Variants in RNF157 observed in about 807,000 individuals in gnomAD.
The protein encoded by RNF157 is E3 ubiquitin ligase RNF157.
A neutral mutation model predicts 88.3 loss-of-function variants in RNF157; 55 were observed. The observed-to-expected ratio is 0.62, with a 90% CI of 0.50 to 0.78. The LOEUF is 0.78. Ranked by LOEUF, RNF157 falls within the 30% of genes least tolerant of loss-of-function variation. The pLI is 0.00. For missense variants in RNF157, 788 were observed against 860.8 expected, an observed-to-expected ratio of 0.92 and a Z score of 1.06; for synonymous variants, 334 against 341.2, an observed-to-expected ratio of 0.98 and a Z score of 0.23.
intron 17 of RNF157, 128 bp from the exon 18 acceptor site, chr17:76,152,593 TTA>T (rs2068697267): frequency 1.5e-6 from 1 of 661,198 alleles, no homozygotes; most frequent in African/African-American, 1.8e-5. Context: ...AAGACAATAA[TTA>T]AGCGGATAAA....
intron 7 of RNF157, 96 bp from the exon 8 acceptor site, chr17:76,164,891 G>A (rs528594250): frequency 2.6e-6 from 2 of 766,324 alleles, no homozygotes; most frequent in South Asian, 3.5e-5. Context: ...CGCCCTCCCT[G>A]ATCTGCAGTT....
At chr17:76,173,024 C>T (rs113836286) in intron 3 of RNF157, among the ~76,000 whole-genome samples, 4 of 152,152 alleles carry the variant, frequency 2.6e-5, no homozygotes, top group African/African-American at 7.2e-5. Context: ...CGGTGGCTCA[C>T]GCCTGTAATC....
chr17:76,218,653 G>A (rs2145042786), intron 1 of RNF157, among the ~76,000 whole-genome samples: 1 of 151,274 alleles, frequency 6.6e-6, no homozygotes, highest in South Asian at 2.1e-4. Context: ...GGAAAAACAG[G>A]CCAGGCATGG....
chr17:76,181,352 C>T (rs1598409306), intron 2 of RNF157, among the ~76,000 whole-genome samples: 1 of 152,168 alleles, frequency 6.6e-6, no homozygotes, highest in South Asian at 2.1e-4. Context: ...CACCACACTC[C>T]TTTCTATCTT....
chr17:76,178,025 G>A (rs917879969), intron 2 of RNF157, among the ~76,000 whole-genome samples: 12 of 152,174 alleles, frequency 7.9e-5, no homozygotes, highest in South Asian at 2.1e-4. Flanking sequence ...GCTCCTCTTC[G>A]TCTTGCTCAC....
intron 2 of RNF157, among the ~76,000 whole-genome samples, chr17:76,206,217 C>A (rs1351262890): frequency 6.6e-6 from 1 of 151,818 alleles, no homozygotes; most frequent in Non-Finnish European, 1.5e-5. Context: ...GGCAACAGGG[C>A]AAGACCTTGT....
At chr17:76,153,306 C>T (rs934714829) in intron 17 of RNF157, 3 of 152,280 alleles carry the variant, frequency 2.0e-5, no homozygotes, top group Non-Finnish European at 1.5e-5. Context: ...CCCCCTTGGG[C>T]TGGGGTGCAA....
intron 1 of RNF157, among the ~76,000 whole-genome samples, chr17:76,217,879 C>A (rs1477143069): frequency 6.6e-6 from 1 of 152,140 alleles, no homozygotes; most frequent in Non-Finnish European, 1.5e-5. Context: ...TCACATCATA[C>A]ACATATCTCC....
At chr17:76,217,831 A>C (rs1284284080) in intron 1 of RNF157, among the ~76,000 whole-genome samples, 1 of 152,250 alleles carries the variant, frequency 6.6e-6, no homozygotes, top group African/African-American at 2.4e-5. Flanking sequence ...TTTATTAATC[A>C]AAACTCATAT....
At position 76,193,224 on chromosome 17, in the gene RNF157, G is replaced by A. The variant is rs529375531; in HGVS notation, c.207+19140C>T. Among the ~76,000 whole-genome samples, 11 of 152,250 alleles carry A rather than the reference G, an allele frequency of 7.2e-5. No individual in the cohort carries two copies. In the South Asian group the frequency reaches 2.3e-3, roughly 32 times the overall value. ...TTATAGCTTCTGTCTATCTCATAGG[G>A]TCATTAAGATCAAATAAAAATGTTT... On this transcript the variant is annotated intron_variant, in intron 2 of 18. Transcript: ENST00000269391.
At chr17:76,226,241 G>T in intron 1 of RNF157, 1 of 1,610,694 alleles carries the variant, frequency 6.2e-7, no homozygotes, top group South Asian at 1.1e-5. Flanking sequence ...ATCTTCTTCA[G>T]TGATATCCAC....
At chr17:76,177,921 G>A (rs1284482514) in intron 2 of RNF157, among the ~76,000 whole-genome samples, 2 of 152,170 alleles carry the variant, frequency 1.3e-5, no homozygotes, top group Non-Finnish European at 2.9e-5. Flanking sequence ...TCCCACTCCA[G>A]GGTCTCTATG....
intron 1 of RNF157, among the ~76,000 whole-genome samples, chr17:76,229,880 G>A (rs1598447560): frequency 6.6e-6 from 1 of 152,286 alleles, no homozygotes; most frequent in Middle Eastern, 3.4e-3. Flanking sequence ...AGAGGAAGGA[G>A]ACATTAGGAC....
In RNF157 at chr17:76,210,394, T is replaced by C. The variant is rs201880630; in HGVS notation, c.207+1970A>G. 3.2e-4 allele frequency among the ~76,000 whole-genome samples: 49 copies of C among 151,490 alleles called. 1 individual carries two copies. The highest frequency in any genetic ancestry group is 8.3e-4 in the South Asian group (4 of 4,800). ...GGATCACGAGGTCAGATCGAGACCA[T>C]CCTGGCTAACACAGTGAAACCCCGT... On this transcript the variant is annotated intron_variant, in intron 2 of 18. Coordinates refer to ENST00000269391, the MANE Select transcript of RNF157 (RefSeq NM_052916.3).
chr17:76,154,172 T>A (rs940556939), intron 17 of RNF157, 111 bp downstream of exon 17: 2 of 793,054 alleles, frequency 2.5e-6, no homozygotes, highest in Non-Finnish European at 4.5e-6. Context: ...AACAGCCCCA[T>A]ACAACTGAGC....
At chr17:76,188,059 A>G (rs569052393) in intron 2 of RNF157, among the ~76,000 whole-genome samples, 10 of 152,280 alleles carry the variant, frequency 6.6e-5, no homozygotes, top group South Asian at 4.1e-4. Flanking sequence ...TCACCCCCCA[A>G]TAGCAGTGGG....
rs1317530443 is a variant in RNF157, at chr17:76,187,188, C to CT, written c.208-13399dup. ...AATAGGATTTTCTTTTTTTCTTCTT[C>CT]TTTTTTTTTTCTTAAGATGGAGTCT... On this transcript the variant is annotated intron_variant, in intron 2 of 18. Coordinates refer to ENST00000269391, the MANE Select transcript of RNF157 (RefSeq NM_052916.3). 4.3e-3 allele frequency among the ~76,000 whole-genome samples: 632 copies of CT among 148,272 alleles called. 3 individuals carry two copies. Among genetic ancestry groups the CT allele is most frequent in the African/African-American group, 0.014 (584 of 40,374 alleles).
At chr17:76,158,892 G>A (rs756249791) in intron 12 of RNF157, among the ~76,000 whole-genome samples, 3 of 152,252 alleles carry the variant, frequency 2.0e-5, no homozygotes, top group East Asian at 1.9e-4. Context: ...GCCATTTACA[G>A]GGTCTCAATA....
intron 2 of RNF157, among the ~76,000 whole-genome samples, chr17:76,210,396 C>G (rs200290742): frequency 5.3e-5 from 8 of 151,714 alleles, no homozygotes; most frequent in African/African-American, 1.5e-4. Context: ...CGAGACCATC[C>G]TGGCTAACAC....
Sources: gnomAD v4.1 joint callset for allele counts (sites outside exome capture counted in the v4.1 genomes callset) on GRCh38, gnomAD v4.1.1 for gene constraint, MANE v1.5 for transcripts, NCBI Gene and HGNC (gene_info 2026-07-23, HGNC 2026-07-21) for gene names.